Variants in PPP2R5C observed in about 807,000 individuals in gnomAD.
PPP2R5C encodes the protein serine/threonine-protein phosphatase 2A 56 kDa regulatory subunit gamma isoform.
Under a neutral mutation model 68.9 loss-of-function variants are expected in PPP2R5C, and 7 were observed. The observed-to-expected ratio is 0.10, with a 90% CI of 0.06 to 0.19. The LOEUF is 0.19. Among genes scored for constraint, PPP2R5C ranks in the 10% least tolerant of loss-of-function variants. The pLI is 1.00. For missense variants in PPP2R5C, 348 were observed against 641.3 expected, an observed-to-expected ratio of 0.54 and a Z score of 4.94; for synonymous variants, 210 against 222.2, an observed-to-expected ratio of 0.95 and a Z score of 0.49.
intron 2 of PPP2R5C, among the ~76,000 whole-genome samples, chr14:101,858,012 G>A (rs758217668): frequency 3.3e-5 from 5 of 152,138 alleles, no homozygotes; most frequent in Non-Finnish European, 5.9e-5. Flanking sequence ...GTTTTAACTT[G>A]TTGTTTTTAA....
chr14:101,822,639 C>T (rs915863552), intron 1 of PPP2R5C, among the ~76,000 whole-genome samples: 1 of 152,190 alleles, frequency 6.6e-6, no homozygotes, highest in African/African-American at 2.4e-5. Flanking sequence ...TCATTTATAT[C>T]CTGGCTGAGG....
chr14:101,769,085 A>G (rs1274903702), intron 2 of PPP2R5C, among the ~76,000 whole-genome samples: 1 of 152,112 alleles, frequency 6.6e-6, no homozygotes, highest in East Asian at 1.9e-4. Flanking sequence ...CGGCCTCCCA[A>G]AGTGCTGGGA....
intron 10 of PPP2R5C, among the ~76,000 whole-genome samples, chr14:101,908,977 C>T (rs917845218): frequency 6.6e-6 from 1 of 152,346 alleles, no homozygotes; most frequent in African/African-American, 2.4e-5. Flanking sequence ...TCCTGCTGCG[C>T]AGGCTTTCGC....
At chr14:101,824,303 T>A in intron 1 of PPP2R5C, 1 of 744,404 alleles carries the variant, frequency 1.3e-6, no homozygotes, top group Non-Finnish European at 1.8e-6. Context: ...GAGGTATTCA[T>A]CTGAAAACTG....
intron 2 of PPP2R5C, among the ~76,000 whole-genome samples, chr14:101,866,067 G>A (rs1180743173): frequency 6.6e-6 from 1 of 152,048 alleles, no homozygotes; most frequent in Non-Finnish European, 1.5e-5. Flanking sequence ...GCTAATTTTT[G>A]TATTTTTAAT....
chr14:101,872,664 T>C (rs1482012895), intron 2 of PPP2R5C, among the ~76,000 whole-genome samples: 2 of 152,254 alleles, frequency 1.3e-5, no homozygotes, highest in Admixed American at 1.3e-4. Context: ...TTCTTTTCTT[T>C]GTTCCTTTGG....
chr14:101,827,755 C>T (rs569680461), intron 1 of PPP2R5C, among the ~76,000 whole-genome samples: 1 of 152,244 alleles, frequency 6.6e-6, no homozygotes, highest in South Asian at 2.1e-4. Flanking sequence ...GGAGGGCACC[C>T]CAGACACCTG....
chr14:101,886,133 T>C (rs1034207073), intron 5 of PPP2R5C, among the ~76,000 whole-genome samples: 1 of 150,630 alleles, frequency 6.6e-6, no homozygotes, highest in Admixed American at 6.6e-5. Context: ...TACAAAAAAT[T>C]AGCCGGGCGT....
At chr14:101,887,991 A>G (rs114134224) in intron 5 of PPP2R5C, among the ~76,000 whole-genome samples, 146 of 152,318 alleles carry the variant, frequency 9.6e-4, no homozygotes, top group African/African-American at 3.1e-3. Context: ...AGGAAGAAGG[A>G]AAAGAACTGT....
intron 2 of PPP2R5C, among the ~76,000 whole-genome samples, chr14:101,869,488 T>C (rs2043263468): frequency 6.6e-6 from 1 of 152,198 alleles, no homozygotes; most frequent in African/African-American, 2.4e-5. Flanking sequence ...TGTTGAGCTT[T>C]CTAAGGAACT....
At position 101,832,874 on chromosome 14, in the gene PPP2R5C, A is replaced by G. The variant is rs566789724; in HGVS notation, c.94+22838A>G. Among the ~76,000 whole-genome samples, 46 of 152,336 alleles carry G rather than the reference A, an allele frequency of 3.0e-4. No individual in the cohort carries two copies. The South Asian group carries it at 8.1e-3, about 27-fold the overall frequency. ...CTGCATTTACTCAGTAACATAATAC[A>G]GTTAGCAGTTGTGGGACCTCCAGCA... On this transcript the variant is annotated intron_variant, in intron 1 of 13. Coordinates refer to ENST00000334743, the Ensembl canonical transcript of PPP2R5C.
intron 2 of PPP2R5C, among the ~76,000 whole-genome samples, chr14:101,872,279 A>AG (rs1355035851): frequency 8.0e-6 from 1 of 124,964 alleles, no homozygotes; most frequent in Non-Finnish European, 1.6e-5. Context: ...GCCAGTGTAT[A>AG]GTGGTGCAAT....
chr14:101,764,502 TTC>T (rs2036750512), intron 2 of PPP2R5C, among the ~76,000 whole-genome samples: 1 of 152,238 alleles, frequency 6.6e-6, no homozygotes, highest in Non-Finnish European at 1.5e-5. Context: ...TAGCCCTGCA[TTC>T]TCTCTTTTCT....
intron 8 of PPP2R5C, among the ~76,000 whole-genome samples, chr14:101,897,404 T>A: frequency 8.9e-6 from 1 of 112,104 alleles, no homozygotes; most frequent in Admixed American, 8.1e-5. Context: ...GAGGTTGTAT[T>A]TTTTTTTTTT....
chr14:101,792,352 C>G (rs1011015371), intron 3 of PPP2R5C, among the ~76,000 whole-genome samples: 1 of 152,170 alleles, frequency 6.6e-6, no homozygotes, highest in African/African-American at 2.4e-5. Flanking sequence ...TGGCATCCTA[C>G]CAATGTGTAT....
At chr14:101,815,288 G>A (rs2039592421) in intron 1 of PPP2R5C, among the ~76,000 whole-genome samples, 1 of 152,184 alleles carries the variant, frequency 6.6e-6, no homozygotes, top group African/African-American at 2.4e-5. Flanking sequence ...AGAGTGTTGA[G>A]AGATGCTGGT....
rs879028346 is a variant in PPP2R5C at position 101,824,185 on chromosome 14, C to T, written c.94+14149C>T. ...TATTTTCGTGGTAAACGTAAACTTA[C>T]TATTGGTAAAGATTCTTAATGAGTA... is the stretch of plus-strand genomic sequence containing the variant. On this transcript the variant is annotated intron_variant, in intron 1 of 13. Coordinates refer to ENST00000334743, the Ensembl canonical transcript of PPP2R5C. 9 of 1,254,788 alleles carry T rather than the reference C, an allele frequency of 7.2e-6. No individual in the cohort carries two copies. The South Asian group carries it at 1.0e-4, about 14-fold the overall frequency. 77.7% of individuals were successfully genotyped at this position (1,254,788 alleles called of 1,614,324 possible).
At chr14:101,764,954 A>C (rs536802767) in intron 2 of PPP2R5C, among the ~76,000 whole-genome samples, 5 of 152,042 alleles carry the variant, frequency 3.3e-5, no homozygotes, top group Non-Finnish European at 7.4e-5. Context: ...ATTTATTTCT[A>C]TTTTTAGTGG....
At chr14:101,907,304 G>C (rs960187580) in intron 10 of PPP2R5C, among the ~76,000 whole-genome samples, 1 of 151,850 alleles carries the variant, frequency 6.6e-6, no homozygotes, top group African/African-American at 2.4e-5. Context: ...CTGAGTAGCT[G>C]GGACTACAGG....
Sources: allele counts gnomAD v4.1 joint callset (sites outside exome capture counted in the v4.1 genomes callset), GRCh38; gene constraint gnomAD v4.1.1; transcripts MANE v1.5; gene names NCBI Gene and HGNC (gene_info 2026-07-23, HGNC 2026-07-21).